The following NKAIN3 variants were observed in gnomAD, a reference collection of about 807,000 sequenced individuals.
The protein encoded by NKAIN3 is sodium/potassium-transporting ATPase subunit beta-1-interacting protein 3.
In NKAIN3, 25 loss-of-function variants were observed where a neutral mutation model predicts 30.2. The observed-to-expected ratio is 0.83, with a 90% CI of 0.60 to 1.16. The LOEUF is 1.16. Ranked by LOEUF, NKAIN3 falls within the 50% of genes most tolerant of loss-of-function variation. NKAIN3 has a pLI of 0.00. For missense variants in NKAIN3, 225 were observed against 254.1 expected, an observed-to-expected ratio of 0.89 and a Z score of 0.78; for synonymous variants, 91 against 89.6, an observed-to-expected ratio of 1.02 and a Z score of -0.09.
In NKAIN3 at chr8:62,869,710, C is replaced by T. The variant is rs528526669; in HGVS notation, c.472-48743C>T. On this transcript the variant is annotated intron_variant, in intron 4 of 6. Transcript: ENST00000623646. ...TAGGTGGGGCTCCCAGGCCTTTGGC[C>T]TCAGACTGAGGGCGGCACTGTCAGC... 2.0e-5 allele frequency among the ~76,000 whole-genome samples: 3 copies of T among 152,214 alleles called. No homozygotes were observed. In the East Asian group the frequency reaches 5.8e-4, roughly 30 times the overall value.
At chr8:62,583,306 T>C (rs924030937) in intron 2 of NKAIN3, among the ~76,000 whole-genome samples, 3 of 152,100 alleles carry the variant, frequency 2.0e-5, no homozygotes, top group Non-Finnish European at 4.4e-5. Flanking sequence ...AGGAAGGCAG[T>C]TTTAGGTCTT....
intron 1 of NKAIN3, among the ~76,000 whole-genome samples, chr8:62,278,289 G>A (rs567976162): frequency 6.4e-4 from 98 of 152,130 alleles, no homozygotes; most frequent in African/African-American, 2.3e-3. Flanking sequence ...CCTAGAATAA[G>A]GGTCACATGA....
At chr8:62,643,519 G>T (rs1028107015) in intron 3 of NKAIN3, among the ~76,000 whole-genome samples, 2 of 152,108 alleles carry the variant, frequency 1.3e-5, no homozygotes, top group Non-Finnish European at 2.9e-5. Flanking sequence ...CTCTGATCAT[G>T]CTGGGAACAG....
At chr8:62,645,589 A>T (rs1013073912) in intron 3 of NKAIN3, among the ~76,000 whole-genome samples, 21 of 152,248 alleles carry the variant, frequency 1.4e-4, no homozygotes, top group African/African-American at 5.1e-4. Flanking sequence ...CAGATACAAC[A>T]GTGGATTGAA....
At chr8:62,506,297 G>A (rs898619251) in intron 1 of NKAIN3, among the ~76,000 whole-genome samples, 2 of 150,420 alleles carry the variant, frequency 1.3e-5, no homozygotes, top group South Asian at 2.1e-4. Flanking sequence ...TAGAGACTAC[G>A]AATTCCAAAG....
chr8:62,624,127 G>C (rs1811715203), intron 3 of NKAIN3, among the ~76,000 whole-genome samples: 1 of 152,060 alleles, frequency 6.6e-6, no homozygotes, highest in South Asian at 2.1e-4. Context: ...TGACCAGTGA[G>C]GATGAACAGA....
intron 1 of NKAIN3, among the ~76,000 whole-genome samples, chr8:62,363,900 TAGAA>T (rs1430566750): frequency 1.3e-5 from 2 of 152,204 alleles, no homozygotes; most frequent in African/African-American, 2.4e-5. Context: ...AAAGTATTAA[TAGAA>T]AGATGTTTAA....
At chr8:62,265,347 A>T (rs1812570674) in intron 1 of NKAIN3, among the ~76,000 whole-genome samples, 1 of 152,194 alleles carries the variant, frequency 6.6e-6, no homozygotes, top group Non-Finnish European at 1.5e-5. Context: ...ATGTGTTGTG[A>T]TGCTTATGGA....
chr8:62,375,900 GTTCT>G (rs1334293803), intron 1 of NKAIN3, among the ~76,000 whole-genome samples: 1 of 152,138 alleles, frequency 6.6e-6, no homozygotes, highest in Non-Finnish European at 1.5e-5. Flanking sequence ...GTTTCAACAT[GTTCT>G]TACCTTTATA....
chr8:62,728,417 C>T (rs1005701229), intron 3 of NKAIN3, among the ~76,000 whole-genome samples: 1 of 152,194 alleles, frequency 6.6e-6, no homozygotes, highest in Non-Finnish European at 1.5e-5. Flanking sequence ...AATCCCAGCA[C>T]TTTGAGAGGC....
At chr8:62,345,215 A>G (rs1236744799) in intron 1 of NKAIN3, among the ~76,000 whole-genome samples, 5 of 151,268 alleles carry the variant, frequency 3.3e-5, no homozygotes, top group African/African-American at 1.2e-4. Flanking sequence ...GGTGGTGGCC[A>G]TGGTGACACA....
chr8:62,411,761 T>TG (rs78024652), intron 1 of NKAIN3, among the ~76,000 whole-genome samples: 21,259 of 152,002 alleles, frequency 0.14, 1,760 homozygotes, highest in East Asian at 0.41. Context: ...ACAACAATAA[T>TG]TCCTGGCTAA....
intron 1 of NKAIN3, chr8:62,482,799 C>T (rs1336715009): frequency 3.9e-5 from 6 of 152,152 alleles, no homozygotes; most frequent in African/African-American, 7.2e-5. Flanking sequence ...CCCATTTCAT[C>T]GATATTACTG....
chr8:62,569,862 A>T (rs1476784064), intron 1 of NKAIN3, among the ~76,000 whole-genome samples: 1 of 152,166 alleles, frequency 6.6e-6, no homozygotes, highest in Non-Finnish European at 1.5e-5. Flanking sequence ...TGATATTTAG[A>T]GCTTTTAAAT....
At chr8:62,364,943 A>G (rs1816693215) in intron 1 of NKAIN3, among the ~76,000 whole-genome samples, 2 of 151,370 alleles carry the variant, frequency 1.3e-5, no homozygotes, top group African/African-American at 4.9e-5. Flanking sequence ...CTTTATTTGC[A>G]GAGTAATTGT....
intron 4 of NKAIN3, among the ~76,000 whole-genome samples, chr8:62,835,766 A>T (rs145324233): frequency 6.6e-6 from 1 of 152,010 alleles, no homozygotes; most frequent in Non-Finnish European, 1.5e-5. Flanking sequence ...ATTACCTTCC[A>T]TAGAAAGTGG....
intron 3 of NKAIN3, among the ~76,000 whole-genome samples, chr8:62,688,721 C>CACAG (rs541712425): frequency 2.3e-4 from 34 of 150,674 alleles, no homozygotes; most frequent in Middle Eastern, 3.4e-3. Context: ...CACACATAGA[C>CACAG]ACAGACAGAC....
chr8:62,821,984 A>T (rs1015793101), intron 4 of NKAIN3, among the ~76,000 whole-genome samples: 3 of 151,946 alleles, frequency 2.0e-5, no homozygotes, highest in African/African-American at 7.2e-5. Context: ...AAAAGCCTTT[A>T]TAGAGGGTGA....
chr8:62,370,617 T>C (rs1442685278), intron 1 of NKAIN3, among the ~76,000 whole-genome samples: 1 of 152,014 alleles, frequency 6.6e-6, no homozygotes, highest in Non-Finnish European at 1.5e-5. Context: ...AAAATCTTCT[T>C]TTCACTAGTA....
Sources: allele counts gnomAD v4.1 joint callset (sites outside exome capture counted in the v4.1 genomes callset), GRCh38; gene constraint gnomAD v4.1.1; transcripts MANE v1.5; gene names NCBI Gene and HGNC (gene_info 2026-07-23, HGNC 2026-07-21).